DLG2: variants seen among roughly 807,000 people sequenced by gnomAD.
DLG2 encodes the protein discs large MAGUK scaffold protein 2, also known as disks large homolog 2.
Under a neutral mutation model 132.5 loss-of-function variants are expected in DLG2, and 45 were observed. The observed-to-expected ratio is 0.34, with a 90% CI of 0.27 to 0.44. DLG2 has a LOEUF of 0.44. DLG2 is among the 20% of genes least tolerant of loss of function. The probability of loss-of-function intolerance (pLI) is 1.00; values close to 1 mark genes in which losing one functional copy is unlikely to be tolerated. For synonymous variants in DLG2, 424 were observed against 419.6 expected, an observed-to-expected ratio of 1.01 and a Z score of -0.13; for missense variants, 1,045 against 1,196.9, an observed-to-expected ratio of 0.87 and a Z score of 1.87.
chr11:84,262,068 T>G (rs1712782259), intron 7 of DLG2, among the ~76,000 whole-genome samples: 1 of 152,136 alleles, frequency 6.6e-6, no homozygotes, highest in South Asian at 2.1e-4. Flanking sequence ...TGCTTATTCT[T>G]CCCTATTCCT....
intron 8 of DLG2, among the ~76,000 whole-genome samples, chr11:84,240,185 T>C (rs958520372): frequency 2.0e-5 from 3 of 152,178 alleles, no homozygotes; most frequent in Non-Finnish European, 1.5e-5. Flanking sequence ...GTAGGCCTCT[T>C]GGACTACATG....
chr11:84,454,901 T>C (rs1421027946), intron 7 of DLG2, among the ~76,000 whole-genome samples: 1 of 151,454 alleles, frequency 6.6e-6, no homozygotes, highest in African/African-American at 2.4e-5. Flanking sequence ...ATTCATTCTC[T>C]TGTTTGTGGT....
chr11:85,567,274 T>C (rs1271713419), intron 3 of DLG2, among the ~76,000 whole-genome samples: 1 of 152,232 alleles, frequency 6.6e-6, no homozygotes, highest in Admixed American at 6.5e-5. Flanking sequence ...ATTACCATCT[T>C]AACCATATTA....
intron 6 of DLG2, among the ~76,000 whole-genome samples, chr11:85,037,690 C>T (rs1263533035): frequency 6.6e-6 from 1 of 152,026 alleles, no homozygotes; most frequent in African/African-American, 2.4e-5. Flanking sequence ...TGAAGTTCAT[C>T]TATTCCTTAC....
intron 19 of DLG2, among the ~76,000 whole-genome samples, chr11:83,547,957 A>T (rs1467589376): frequency 6.6e-6 from 1 of 152,164 alleles, no homozygotes; most frequent in Non-Finnish European, 1.5e-5. Context: ...CTAAGAAGAG[A>T]TTGCAGAAAT....
At chr11:84,908,479 C>A (rs1008288329) in intron 6 of DLG2, among the ~76,000 whole-genome samples, 2 of 151,974 alleles carry the variant, frequency 1.3e-5, no homozygotes, top group African/African-American at 2.4e-5. Flanking sequence ...GCTGGATAGC[C>A]CTAGGGACAT....
intron 21 of DLG2, among the ~76,000 whole-genome samples, chr11:83,515,034 G>C (rs942883138): frequency 2.0e-5 from 3 of 152,002 alleles, no homozygotes; most frequent in Non-Finnish European, 2.9e-5. Flanking sequence ...GGATGATGCT[G>C]GCCTCATAAA....
At chr11:84,040,721 T>C (rs1234515287) in intron 11 of DLG2, among the ~76,000 whole-genome samples, 5 of 150,392 alleles carry the variant, frequency 3.3e-5, no homozygotes, top group African/African-American at 9.7e-5. Context: ...TTTGGTTCCA[T>C]ATGAACTTTA....
intron 6 of DLG2, among the ~76,000 whole-genome samples, chr11:85,049,906 CT>C (rs2062728558): frequency 6.6e-6 from 1 of 151,992 alleles, no homozygotes; most frequent in South Asian, 2.1e-4. Flanking sequence ...TCGCTAATAT[CT>C]AATATATTGC....
intron 15 of DLG2, among the ~76,000 whole-genome samples, chr11:83,900,542 G>C (rs1052742273): frequency 6.6e-6 from 1 of 152,232 alleles, no homozygotes; most frequent in South Asian, 2.1e-4. Context: ...CCAACATAGA[G>C]CTTGGGCTGT....
chr11:83,617,432 A>T (rs1407504796), intron 19 of DLG2, among the ~76,000 whole-genome samples: 1 of 152,150 alleles, frequency 6.6e-6, no homozygotes, highest in Non-Finnish European at 1.5e-5. Flanking sequence ...CTTATTGTTT[A>T]GTATTGTTAT....
At chr11:84,741,943 G>T (rs947555177) in intron 6 of DLG2, among the ~76,000 whole-genome samples, 2 of 151,956 alleles carry the variant, frequency 1.3e-5, no homozygotes, top group African/African-American at 2.4e-5. Context: ...TTTAGGATTT[G>T]AATGAGAAAC....
At chr11:83,695,378 G>A (rs1369611508) in intron 18 of DLG2, among the ~76,000 whole-genome samples, 1 of 152,176 alleles carries the variant, frequency 6.6e-6, no homozygotes, top group Non-Finnish European at 1.5e-5. Flanking sequence ...TATATGAGGT[G>A]CTTAGCGATC....
intron 21 of DLG2, among the ~76,000 whole-genome samples, chr11:83,511,202 A>C (rs2095016322): frequency 6.6e-6 from 1 of 151,966 alleles, no homozygotes; most frequent in Non-Finnish European, 1.5e-5. Context: ...TGAGTCTGTT[A>C]CTGTAAACCA....
intron 3 of DLG2, among the ~76,000 whole-genome samples, chr11:85,288,993 G>A (rs1346415185): frequency 6.6e-6 from 1 of 151,964 alleles, no homozygotes; most frequent in Non-Finnish European, 1.5e-5. Flanking sequence ...AAAAACCCTA[G>A]GGACAATATT....
At chr11:84,154,124 A>G (rs912568925) in intron 9 of DLG2, among the ~76,000 whole-genome samples, 2 of 152,090 alleles carry the variant, frequency 1.3e-5, no homozygotes, top group African/African-American at 4.8e-5. Context: ...CCGCCTCCCA[A>G]GTAGCTGGGA....
chr11:85,153,509 A>G (rs1181896045), intron 5 of DLG2, among the ~76,000 whole-genome samples: 2 of 152,158 alleles, frequency 1.3e-5, no homozygotes, highest in Non-Finnish European at 2.9e-5. Flanking sequence ...GTTTCTCACT[A>G]GGACTCTGGA....
At chr11:84,673,379 C>T (rs1233552507) in intron 6 of DLG2, among the ~76,000 whole-genome samples, 2 of 151,396 alleles carry the variant, frequency 1.3e-5, no homozygotes, top group African/African-American at 4.9e-5. Context: ...AGATTATAGA[C>T]TTTGGATACA....
At chr11:84,279,233 CA>C (rs2097824485) in intron 7 of DLG2, among the ~76,000 whole-genome samples, 1 of 152,140 alleles carries the variant, frequency 6.6e-6, no homozygotes, top group South Asian at 2.1e-4. Context: ...CATCACTGGT[CA>C]TTAGAGAAAT....
Sources: allele counts gnomAD v4.1 joint callset (sites outside exome capture counted in the v4.1 genomes callset), GRCh38; gene constraint gnomAD v4.1.1; transcripts MANE v1.5; gene names NCBI Gene and HGNC (gene_info 2026-07-23, HGNC 2026-07-21).